Variants in BAZ1A observed in about 807,000 individuals in gnomAD.
BAZ1A encodes the protein bromodomain adjacent to zinc finger domain protein 1A.
Under a neutral mutation model 185.2 loss-of-function variants are expected in BAZ1A, and 50 were observed. The observed-to-expected ratio is 0.27, with a 90% confidence interval of 0.22 to 0.34. BAZ1A has a LOEUF of 0.34. Among genes scored for constraint, BAZ1A ranks in the 10% least tolerant of loss-of-function variants. The pLI is 1.00. For synonymous variants in BAZ1A, 571 were observed against 615.6 expected, an observed-to-expected ratio of 0.93 and a Z score of 1.07; for missense variants, 1,356 against 1,839.9, an observed-to-expected ratio of 0.74 and a Z score of 4.81.
At chr14:34,848,023 C>A (rs1002667859) in intron 3 of BAZ1A, among the ~76,000 whole-genome samples, 3 of 152,042 alleles carry the variant, frequency 2.0e-5, no homozygotes, top group Non-Finnish European at 4.4e-5. Context: ...CCAAGCCCAG[C>A]TAATTTTTGT....
chr14:34,859,988 C>A (rs1212633798), intron 3 of BAZ1A, among the ~76,000 whole-genome samples: 4 of 152,130 alleles, frequency 2.6e-5, no homozygotes, highest in Non-Finnish European at 5.9e-5. Flanking sequence ...AGGAGTGGAT[C>A]TAATAACTGT....
At chr14:34,796,569 CTATT>C (rs1383627906) in intron 9 of BAZ1A, among the ~76,000 whole-genome samples, 3 of 152,124 alleles carry the variant, frequency 2.0e-5, no homozygotes, top group Non-Finnish European at 4.4e-5. Context: ...ATAATTCAGG[CTATT>C]TCTCTTACTC....
In BAZ1A at chr14:34,801,152, C is replaced by CCTA. The variant is rs1183517963; in HGVS notation, c.900_902dup (p.Tyr300_Arg301insSer). ...TATCTCTTTCTTTAGTAGCTTTGCTCCTATAACTTGCAAGAGTCTGTTTAT... is the reference window on the plus strand; with the variant it reads ...TATCTCTTTCTTTAGTAGCTTTGCTCCTACTATAACTTGCAAGAGTCTGTTTAT... On this transcript the variant is annotated inframe_insertion, in exon 8 of 27. Coordinates refer to ENST00000360310, the MANE Select transcript of BAZ1A (RefSeq NM_013448.3). 1 of 1,607,644 alleles carries CCTA rather than the reference C, an allele frequency of 6.2e-7. No individual in the cohort carries two copies. Among genetic ancestry groups the CCTA allele is most frequent in the Admixed American group, 1.7e-5 (1 of 58,540 alleles).
intron 2 of BAZ1A, among the ~76,000 whole-genome samples, chr14:34,870,807 T>C (rs2042937930): frequency 6.6e-6 from 1 of 152,238 alleles, no homozygotes; most frequent in Non-Finnish European, 1.5e-5. Context: ...TAATCTTGGA[T>C]TTACTCCCCA....
chr14:34,778,905 AGT>A (rs1879849063), intron 17 of BAZ1A, among the ~76,000 whole-genome samples: 1 of 152,122 alleles, frequency 6.6e-6, no homozygotes, highest in Non-Finnish European at 1.5e-5. Context: ...CCCAGGCTGG[AGT>A]GCAGTGGCGC....
At chr14:34,754,018 C>T (rs1326767494) in intron 26 of BAZ1A, among the ~76,000 whole-genome samples, 3 of 151,690 alleles carry the variant, frequency 2.0e-5, no homozygotes, top group South Asian at 2.1e-4. Flanking sequence ...TTTGGGAGGC[C>T]GAGGCAGACG....
Position 34,783,755 on chromosome 14 carries a change from C to A in BAZ1A, c.1997+7G>T. ...TCATTAACACAACTATTACAATTATCTCTTACCTGGCAGCTGCTTCTTCCC... is the reference window on the plus strand; with the variant it reads ...TCATTAACACAACTATTACAATTATATCTTACCTGGCAGCTGCTTCTTCCC... On this transcript the variant is annotated splice_region_variant and intron_variant, in intron 15 of 26. Coordinates refer to ENST00000360310, the MANE Select transcript of BAZ1A (RefSeq NM_013448.3). 1 of 1,601,218 alleles carries A rather than the reference C, an allele frequency of 6.2e-7. No homozygotes were observed. The highest frequency in any genetic ancestry group is 2.2e-5 in the East Asian group (1 of 44,748).
chr14:34,801,905 C>A (rs75402665), intron 7 of BAZ1A, among the ~76,000 whole-genome samples: 643 of 112,736 alleles, frequency 5.7e-3, no homozygotes, highest in South Asian at 7.8e-3. Flanking sequence ...GACTCCATCT[C>A]AAAAAAAAAA....
chr14:34,867,461 G>A (rs58557555), intron 2 of BAZ1A, among the ~76,000 whole-genome samples: 1 of 152,074 alleles, frequency 6.6e-6, no homozygotes, highest in South Asian at 2.1e-4. Flanking sequence ...CATGGCAGGG[G>A]GACAGCTAAA....
Position 34,776,406 on chromosome 14 carries a change from G to T in BAZ1A, c.2346C>A (p.His782Gln). ...ADEEEALKQE[H>Q]QRKEKELLEK... ...CTAAGAGCTCTTTCTCTTTTCGTTG[G>T]TGTTCCTGTTTTAATGCTTCTTCCT... The change falls in exon 18 of 27, where the codon CAC (histidine) becomes CAA (glutamine). Residue 782 changes from histidine (H) to glutamine (Q), a missense_variant. His to Gln is a conservative substitution (Grantham distance 24). This residue lies in a region of BAZ1A where 434 missense variants were observed against 561.7 expected (regional missense o/e 0.77). Coordinates refer to ENST00000360310, the MANE Select transcript of BAZ1A (RefSeq NM_013448.3). 6.2e-7 allele frequency: 1 copy of T among 1,614,018 alleles called. No homozygotes were observed. The highest frequency in any genetic ancestry group is 8.5e-7 in the Non-Finnish European group (1 of 1,180,032).
intron 25 of BAZ1A, among the ~76,000 whole-genome samples, chr14:34,757,951 G>T (rs1416712253): frequency 6.6e-6 from 1 of 151,098 alleles, no homozygotes; most frequent in Non-Finnish European, 1.5e-5. Flanking sequence ...GTTTCACTGT[G>T]TTAGCCAGGA....
intron 9 of BAZ1A, 35 bp downstream of exon 9, chr14:34,800,189 T>C: frequency 7.6e-7 from 1 of 1,318,954 alleles, no homozygotes; most frequent in African/African-American, 1.5e-5. Flanking sequence ...TATTACTATA[T>C]GTAGAGAGTA....
rs1403616225 is a variant in BAZ1A, at chr14:34,801,166, G to A, written c.889C>T (p.Leu297Phe). 1.2e-6 allele frequency: 2 copies of A among 1,606,778 alleles called. No homozygotes were observed. Among genetic ancestry groups the A allele is most frequent in the South Asian group, 2.2e-5 (2 of 89,070 alleles). Residue 297 changes from leucine (L) to phenylalanine (F), a missense_variant, in exon 8 of 27, where the codon CTT becomes TTT. Physicochemically the swap from Leu to Phe is conservative, Grantham distance 22. Coordinates refer to ENST00000360310, the MANE Select transcript of BAZ1A (RefSeq NM_013448.3). ...QEDNVANKQT[L>F]ASYRSKATKE... The stretch of plus-strand genomic sequence containing the variant: ...GTAGCTTTGCTCCTATAACTTGCAA[G>A]AGTCTGTTTATTAGCAACATTGTCC...
intron 3 of BAZ1A, among the ~76,000 whole-genome samples, chr14:34,840,974 G>C (rs2042406359): frequency 2.0e-5 from 3 of 151,550 alleles, no homozygotes; most frequent in Admixed American, 2.0e-4. Context: ...TTGAGATGGA[G>C]TTTCGCTCTT....
intron 15 of BAZ1A, 68 bp from the exon 16 acceptor site, chr14:34,783,300 C>A (rs1860408287): frequency 2.3e-6 from 2 of 883,492 alleles, no homozygotes; most frequent in East Asian, 2.7e-5. Context: ...AGCATCTTGT[C>A]TTTAATCAAA....
chr14:34,814,099 G>GTTTTT (rs994372834), intron 4 of BAZ1A, among the ~76,000 whole-genome samples: 5 of 151,270 alleles, frequency 3.3e-5, no homozygotes, highest in Admixed American at 3.3e-4. Flanking sequence ...AAACAAGTGA[G>GTTTTT]TTTTAATGAA....
chr14:34,792,643 A>T (rs1880928197), intron 12 of BAZ1A, 132 bp downstream of exon 12: 1 of 1,061,166 alleles, frequency 9.4e-7, no homozygotes, highest in African/African-American at 1.6e-5. Flanking sequence ...TTAGCATATG[A>T]TTCAACATCA....
chr14:34,849,076 G>A lies in BAZ1A; in HGVS notation c.392+12968C>T, dbSNP rs553313320. Among the ~76,000 whole-genome samples, 14 of 152,258 alleles carry A rather than the reference G, an allele frequency of 9.2e-5. No homozygotes were observed. In the South Asian group the frequency reaches 2.1e-3, roughly 23 times the overall value. On this transcript the variant is annotated intron_variant, in intron 3 of 26. Coordinates refer to ENST00000360310, the MANE Select transcript of BAZ1A (RefSeq NM_013448.3). The stretch of plus-strand genomic sequence containing the variant: ...CACTTTCAGGAGGCTGAGGCAGATC[G>A]CACAAGGCCGGTTGAAGACTAGCCT...
intron 2 of BAZ1A, among the ~76,000 whole-genome samples, chr14:34,862,951 C>T (rs28472856): frequency 0.54 from 81,237 of 149,466 alleles, 23,158 homozygotes; most frequent in Non-Finnish European, 0.65. Flanking sequence ...CCTTAATACG[C>T]GCATTTACCT....
Sources: allele counts gnomAD v4.1 joint callset (sites outside exome capture counted in the v4.1 genomes callset), GRCh38; gene constraint gnomAD v4.1.1; regional missense constraint gnomAD v4.1.1; transcripts MANE v1.5; gene names NCBI Gene and HGNC (gene_info 2026-07-23, HGNC 2026-07-21).